GAS7: variants seen among roughly 807,000 people sequenced by gnomAD.
GAS7 encodes the protein growth arrest-specific protein 7.
In GAS7, 28 loss-of-function variants were observed where a neutral mutation model predicts 71.1. The ratio of observed to expected loss-of-function variants is 0.39; its 90% CI spans 0.29 to 0.54. The LOEUF is 0.54. GAS7 is among the 20% of genes least tolerant of loss of function. The probability of loss-of-function intolerance (pLI) is 0.62; values close to 1 mark genes in which losing one functional copy is unlikely to be tolerated. For missense variants in GAS7, 436 were observed against 627.8 expected, an observed-to-expected ratio of 0.69 and a Z score of 3.27; for synonymous variants, 258 against 245.8, an observed-to-expected ratio of 1.05 and a Z score of -0.46.
intron 1 of GAS7, among the ~76,000 whole-genome samples, chr17:10,126,200 GAA>G (rs1315947158): frequency 6.6e-6 from 1 of 152,208 alleles, no homozygotes; most frequent in Non-Finnish European, 1.5e-5. Flanking sequence ...TCAGACAGGA[GAA>G]AGTATTTGCT....
Position 9,959,458 on chromosome 17 carries a change from G to C in GAS7, c.472-203C>G. The C allele has an allele frequency of 7.0e-7, 1 of 1,428,882 alleles. No individual in the cohort carries two copies. Among genetic ancestry groups the C allele is most frequent in the Non-Finnish European group, 9.1e-7 (1 of 1,094,176 alleles). 88.5% of individuals were successfully genotyped at this position (1,428,882 alleles called of 1,614,324 possible). On this transcript the variant is annotated intron_variant, in intron 4 of 13. Coordinates refer to ENST00000432992, the MANE Select transcript of GAS7 (RefSeq NM_201433.2). The surrounding 1 kb of genome is among the most constrained non-coding windows in gnomAD (Gnocchi z 5.0). ...CACGCCCAGCTCTCGGGCTGAAGGCGAATTAAGGAAGCCTCCTGCACAGGC... is the reference window on the plus strand; with the variant it reads ...CACGCCCAGCTCTCGGGCTGAAGGCCAATTAAGGAAGCCTCCTGCACAGGC...
intron 1 of GAS7, among the ~76,000 whole-genome samples, chr17:10,184,153 T>C (rs1437543742): frequency 6.6e-6 from 1 of 152,226 alleles, no homozygotes; most frequent in African/African-American, 2.4e-5. Context: ...ACTGTTGGCA[T>C]CTGGCAAGAC....
In GAS7 at chr17:10,019,693, C is replaced by T. The variant is rs561097037; in HGVS notation, c.304+84G>A. 8.1e-6 allele frequency: 11 copies of T among 1,359,580 alleles called. No individual in the cohort carries two copies. The Admixed American group carries it at 8.5e-5, about 10-fold the overall frequency. The allele number at this position is 1,359,580 out of a possible 1,614,324, so 84.2% of individuals were successfully genotyped here. A position where few individuals can be genotyped will look rare whatever the true frequency, so the allele number is the denominator to read the frequency against. On this transcript the variant is annotated intron_variant, in intron 2 of 13. Transcript: ENST00000432992. ...AAGAAAAAACCCCCAAACAGAGAGG[C>T]GAAGAAGGGAGAAAAAACGTGCCCC...
At chr17:9,984,710 C>T (rs1199159667) in intron 2 of GAS7, among the ~76,000 whole-genome samples, 1 of 152,188 alleles carries the variant, frequency 6.6e-6, no homozygotes, top group Non-Finnish European at 1.5e-5. Context: ...GAAAATGGTA[C>T]CTAAGTAGGC....
chr17:10,159,786 C>CTT (rs71139021), intron 1 of GAS7, among the ~76,000 whole-genome samples: 2,854 of 134,496 alleles, frequency 0.021, 87 homozygotes, highest in Middle Eastern at 0.048. Context: ...GAAGTGTGAC[C>CTT]TTTTTTTTTT....
chr17:10,066,845 T>C (rs1361079456), intron 1 of GAS7, among the ~76,000 whole-genome samples: 1 of 152,062 alleles, frequency 6.6e-6, no homozygotes, highest in Non-Finnish European at 1.5e-5. Context: ...GACAGTGTAG[T>C]GGTGAAGAGA....
rs555067375 is a variant in GAS7, at chr17:9,977,519, T to A, written c.385+4285A>T. On this transcript the variant is annotated intron_variant, in intron 3 of 13. Transcript: ENST00000432992. ...GACTTTCAATATTTGCAGCAGTTAC[T>A]GAATGGCGTCTTAGGTGTTCTGTTT... is the stretch of plus-strand genomic sequence containing the variant. Among the ~76,000 whole-genome samples the A allele has an allele frequency of 8.7e-4, 133 of 152,354 alleles. 2 individuals are homozygous for A. The highest frequency in any genetic ancestry group is 7.7e-3 in the Admixed American group (118 of 15,306).
chr17:10,043,366 A>G (rs940977740), intron 1 of GAS7, among the ~76,000 whole-genome samples: 2 of 152,088 alleles, frequency 1.3e-5, no homozygotes, highest in Admixed American at 6.6e-5. Context: ...CCAAATGAAG[A>G]GGGGGGATAC....
intron 8 of GAS7, among the ~76,000 whole-genome samples, chr17:9,934,465 TA>T (rs1194185289): frequency 2.6e-5 from 4 of 151,082 alleles, no homozygotes; most frequent in Admixed American, 2.6e-4. Context: ...CCTCTGGAGC[TA>T]AGGAAACAGA....
intron 1 of GAS7, among the ~76,000 whole-genome samples, chr17:10,020,873 A>C (rs1196964495): frequency 4.6e-5 from 7 of 152,186 alleles, no homozygotes. Flanking sequence ...AGATCGCACC[A>C]CTGCACTCCA....
chr17:10,022,209 G>A (rs562264353), intron 1 of GAS7, among the ~76,000 whole-genome samples: 45 of 152,196 alleles, frequency 3.0e-4, no homozygotes, highest in African/African-American at 1.0e-3. Flanking sequence ...AGCTGTGATC[G>A]CACCACTGCA....
At chr17:9,938,637 G>C (rs1047625167) in intron 8 of GAS7, among the ~76,000 whole-genome samples, 1 of 151,626 alleles carries the variant, frequency 6.6e-6, no homozygotes, top group African/African-American at 2.4e-5. Context: ...CTTGATCTTG[G>C]ACTTCCCAGC....
intron 9 of GAS7, among the ~76,000 whole-genome samples, chr17:9,933,172 AAAATCAATAAATCAAT>A (rs2068269848): frequency 6.6e-6 from 1 of 152,182 alleles, no homozygotes; most frequent in Non-Finnish European, 1.5e-5. Context: ...ACTCTGTCTC[AAAATCAATAAATCAAT>A]AAATCAATCA....
chr17:10,061,734 T>C (rs189213252), intron 1 of GAS7, among the ~76,000 whole-genome samples: 1 of 152,158 alleles, frequency 6.6e-6, no homozygotes, highest in Admixed American at 6.5e-5. Context: ...CCCACCCCCT[T>C]TCAGGCCCCT....
chr17:10,151,378 C>T lies in GAS7; in HGVS notation c.183+46830G>A, dbSNP rs115038623. On this transcript the variant is annotated intron_variant, in intron 1 of 13. Coordinates refer to ENST00000432992, the MANE Select transcript of GAS7 (RefSeq NM_201433.2). ...TGTCACTGATGAAGCTCAGATGAAGCCTCTTTTAAGTATTGTTTTCTAACA... is the reference window on the plus strand; with the variant it reads ...TGTCACTGATGAAGCTCAGATGAAGTCTCTTTTAAGTATTGTTTTCTAACA... Among the ~76,000 whole-genome samples the T allele has an allele frequency of 1.7e-3, 261 of 151,702 alleles. 1 individual carries two copies. The highest frequency in any genetic ancestry group is 6.0e-3 in the African/African-American group (250 of 41,340).
chr17:10,141,829 A>G (rs2074083552), intron 1 of GAS7, among the ~76,000 whole-genome samples: 1 of 152,206 alleles, frequency 6.6e-6, no homozygotes, highest in South Asian at 2.1e-4. Context: ...AAGTATAATA[A>G]ATGTTATTTT....
intron 1 of GAS7, among the ~76,000 whole-genome samples, chr17:10,136,392 C>T (rs2074038566): frequency 6.6e-6 from 1 of 152,176 alleles, no homozygotes; most frequent in Non-Finnish European, 1.5e-5. Flanking sequence ...GGGCTAAGCT[C>T]GGGGTTTCTC....
chr17:10,104,445 G>A (rs567173916), intron 1 of GAS7, among the ~76,000 whole-genome samples: 2 of 152,098 alleles, frequency 1.3e-5, no homozygotes, highest in Admixed American at 1.3e-4. Context: ...CCCTGTAGTG[G>A]CCTGACCCTG....
chr17:9,944,651 A>G (rs1330022742), intron 6 of GAS7, among the ~76,000 whole-genome samples: 1 of 152,192 alleles, frequency 6.6e-6, no homozygotes, highest in African/African-American at 2.4e-5. Flanking sequence ...GCCATAACTC[A>G]AAGGCCTCCG....
Sources: allele counts gnomAD v4.1 joint callset (sites outside exome capture counted in the v4.1 genomes callset), GRCh38; gene constraint gnomAD v4.1.1; non-coding constraint Gnocchi (gnomAD v3.1); transcripts MANE v1.5; gene names NCBI Gene and HGNC (gene_info 2026-07-23, HGNC 2026-07-21).